The following PDE3B variants were observed in gnomAD, a reference collection of about 807,000 sequenced individuals.
The protein encoded by PDE3B is phosphodiesterase 3B.
Under a neutral mutation model 116.8 loss-of-function variants are expected in PDE3B, and 66 were observed. That is an observed-to-expected ratio of 0.56 (90% CI 0.46 to 0.69). The LOEUF (loss-of-function observed/expected upper bound fraction) is 0.69, where lower values mean the gene tolerates loss of function less well. PDE3B is among the 30% of genes least tolerant of loss of function. The pLI is 0.00. For missense variants in PDE3B, 1,384 were observed against 1,368.1 expected, an observed-to-expected ratio of 1.01 and a Z score of -0.18; for synonymous variants, 595 against 533.6, an observed-to-expected ratio of 1.12 and a Z score of -1.59.
chr11:14,869,347 T>C, intron 15 of PDE3B, 114 bp from the exon 16 acceptor site: 2 of 632,202 alleles, frequency 3.2e-6, no homozygotes, highest in Non-Finnish European at 5.3e-6. Flanking sequence ...TATTTTATAG[T>C]ACTGTTTACT....
chr11:14,824,665 T>C (rs1333631632), intron 7 of PDE3B, among the ~76,000 whole-genome samples: 3 of 152,214 alleles, frequency 2.0e-5, no homozygotes, highest in Admixed American at 1.3e-4. Flanking sequence ...CTACACATCA[T>C]TGACATCCCT....
At chr11:14,753,515 G>C (rs1857109137) in intron 1 of PDE3B, among the ~76,000 whole-genome samples, 7 of 152,032 alleles carry the variant, frequency 4.6e-5, no homozygotes, top group Admixed American at 4.6e-4. Context: ...ATTTCTCCAT[G>C]CTGAAAATTA....
At chr11:14,836,887 G>A (rs1052853454) in intron 11 of PDE3B, among the ~76,000 whole-genome samples, 1 of 152,136 alleles carries the variant, frequency 6.6e-6, no homozygotes, top group African/African-American at 2.4e-5. Context: ...TCGGCTCACC[G>A]CAACCTCCGC....
chr11:14,653,441 A>G (rs924508905), intron 1 of PDE3B, among the ~76,000 whole-genome samples: 4 of 152,034 alleles, frequency 2.6e-5, no homozygotes, highest in African/African-American at 9.7e-5. Flanking sequence ...GTACACAACA[A>G]AAACACATCC....
chr11:14,733,948 AT>A (rs1856528988), intron 1 of PDE3B, among the ~76,000 whole-genome samples: 3 of 152,232 alleles, frequency 2.0e-5, no homozygotes, highest in African/African-American at 7.2e-5. Flanking sequence ...AAAATTGAAA[AT>A]TATTGGCTAA....
chr11:14,665,014 C>G (rs1233208994), intron 1 of PDE3B, among the ~76,000 whole-genome samples: 1 of 152,090 alleles, frequency 6.6e-6, no homozygotes, highest in Non-Finnish European at 1.5e-5. Flanking sequence ...TGCAAAAATC[C>G]TCAATAAAAT....
chr11:14,734,830 A>T (rs948690377), intron 1 of PDE3B, among the ~76,000 whole-genome samples: 6 of 152,146 alleles, frequency 3.9e-5, no homozygotes, highest in Admixed American at 6.5e-5. Flanking sequence ...GAGAATACAG[A>T]TTCCAATACA....
intron 1 of PDE3B, among the ~76,000 whole-genome samples, chr11:14,661,670 C>G (rs553954127): frequency 2.0e-5 from 3 of 152,312 alleles, no homozygotes; most frequent in African/African-American, 7.2e-5. Context: ...GCACCTGGCT[C>G]GGAGGGTCCT....
intron 1 of PDE3B, among the ~76,000 whole-genome samples, chr11:14,647,972 T>C (rs1853460536): frequency 6.7e-6 from 1 of 150,208 alleles, no homozygotes; most frequent in Non-Finnish European, 1.5e-5. Flanking sequence ...GAAGCCCAAA[T>C]CTAGGTGCTG....
intron 11 of PDE3B, among the ~76,000 whole-genome samples, chr11:14,836,524 C>T (rs754007222): frequency 4.5e-4 from 68 of 152,018 alleles, no homozygotes; most frequent in African/African-American, 8.7e-4. Flanking sequence ...ATTCCAAAGC[C>T]GCTCCCACAT....
chr11:14,858,826 T>C (rs1371242306), intron 12 of PDE3B, among the ~76,000 whole-genome samples: 4 of 152,186 alleles, frequency 2.6e-5, no homozygotes, highest in Non-Finnish European at 4.4e-5. Flanking sequence ...ACTAGAGCTA[T>C]GTATGTTGGA....
chr11:14,685,657 T>C (rs987837663), intron 1 of PDE3B, among the ~76,000 whole-genome samples: 3 of 151,950 alleles, frequency 2.0e-5, no homozygotes, highest in Non-Finnish European at 4.4e-5. Context: ...GGTTTCACCA[T>C]GTTGGCTAGG....
chr11:14,843,279 C>T (rs1390283446), intron 11 of PDE3B, among the ~76,000 whole-genome samples: 1 of 151,850 alleles, frequency 6.6e-6, no homozygotes, highest in East Asian at 1.9e-4. Context: ...TTTTTTATTC[C>T]GTTATATTAT....
chr11:14,660,304 CTTT>C (rs761213939), intron 1 of PDE3B, among the ~76,000 whole-genome samples: 3 of 140,544 alleles, frequency 2.1e-5, no homozygotes, highest in Admixed American at 7.2e-5. Context: ...TTCTAATATT[CTTT>C]TTTTTTTTTT....
At chr11:14,695,905 A>G (rs1028614634) in intron 1 of PDE3B, among the ~76,000 whole-genome samples, 10 of 152,026 alleles carry the variant, frequency 6.6e-5, no homozygotes, top group African/African-American at 2.4e-4. Flanking sequence ...TTCTTTATCC[A>G]GTCTATCATT....
At chr11:14,780,913 T>G (rs1033425960) in intron 2 of PDE3B, among the ~76,000 whole-genome samples, 8 of 151,986 alleles carry the variant, frequency 5.3e-5, no homozygotes, top group Non-Finnish European at 1.0e-4. Context: ...ATTGATAGAC[T>G]GCTAGCAAGA....
intron 11 of PDE3B, among the ~76,000 whole-genome samples, chr11:14,839,251 G>A (rs531997708): frequency 8.5e-5 from 13 of 152,246 alleles, no homozygotes; most frequent in African/African-American, 3.1e-4. Context: ...TCAATTCCTT[G>A]ATCTTTGGAA....
chr11:14,785,226 A>T (rs1590142888), intron 2 of PDE3B, among the ~76,000 whole-genome samples: 1 of 152,158 alleles, frequency 6.6e-6, no homozygotes, highest in Admixed American at 6.5e-5. Flanking sequence ...GAAGCTGTGT[A>T]TAGGAAATAT....
chr11:14,772,845 C>A (rs1028312367), intron 2 of PDE3B: 17 of 151,932 alleles, frequency 1.1e-4, no homozygotes, highest in Admixed American at 1.1e-3. Flanking sequence ...GCTAAATTTA[C>A]TTAATAATTC....
Sources: gnomAD v4.1 joint callset for allele counts (sites outside exome capture counted in the v4.1 genomes callset) on GRCh38, gnomAD v4.1.1 for gene constraint, MANE v1.5 for transcripts, NCBI Gene and HGNC (gene_info 2026-07-23, HGNC 2026-07-21) for gene names.